OCA2: variants seen among roughly 807,000 people sequenced by gnomAD.
OCA2 encodes the protein OCA2 melanosomal transmembrane protein, also known as P protein.
Under a neutral mutation model 100.2 loss-of-function variants are expected in OCA2, and 77 were observed. The ratio of observed to expected loss-of-function variants is 0.77; its 90% CI spans 0.64 to 0.93. OCA2 has a LOEUF of 0.93. OCA2 is among the 40% of genes least tolerant of loss of function. OCA2 has a pLI of 0.00. For synonymous variants in OCA2, 432 were observed against 439.2 expected (o/e 0.98, Z 0.21); for missense variants, 1,062 against 1,089.1 (o/e 0.98, Z 0.35).
At chr15:27,730,989 A>T in the OCA2 span, among the ~76,000 whole-genome samples, 79,464 of 150,092 alleles carry the variant, frequency 0.53, 21,814 homozygotes, top group African/African-American at 0.58. Flanking sequence ...AATTTTTTTT[A>T]TTTCTGAAAT....
intron 19 of OCA2, among the ~76,000 whole-genome samples, chr15:27,891,192 T>A (rs755140898): frequency 3.3e-5 from 5 of 152,136 alleles, no homozygotes; most frequent in Non-Finnish European, 7.3e-5. Flanking sequence ...GATAAAGGAA[T>A]CTTAATGGAA....
chr15:28,052,069 G>C (rs2043536189), intron 2 of OCA2, among the ~76,000 whole-genome samples: 1 of 152,142 alleles, frequency 6.6e-6, no homozygotes, highest in Non-Finnish European at 1.5e-5. Flanking sequence ...AGATCCCTGA[G>C]GCTGGCTGGG....
At chr15:27,828,961 A>G (rs1422161893) in intron 23 of OCA2, among the ~76,000 whole-genome samples, 1 of 152,212 alleles carries the variant, frequency 6.6e-6, no homozygotes, top group Non-Finnish European at 1.5e-5. Context: ...CCTGGCTGCT[A>G]GCTGAGCACT....
At chr15:27,927,201 A>G (rs1292721902) in intron 18 of OCA2, among the ~76,000 whole-genome samples, 1 of 152,158 alleles carries the variant, frequency 6.6e-6, no homozygotes, top group Admixed American at 6.5e-5. Context: ...AGGCAGGAGA[A>G]TTGCTTGAAC....
chr15:27,969,677 A>AG (rs142766347), intron 14 of OCA2, among the ~76,000 whole-genome samples: 1,596 of 152,320 alleles, frequency 0.01, 34 homozygotes, highest in African/African-American at 0.037. Context: ...GCCAAATATT[A>AG]GGCACGTAAA....
chr15:27,886,166 A>G (rs529910843), intron 19 of OCA2, among the ~76,000 whole-genome samples: 1 of 152,324 alleles, frequency 6.6e-6, no homozygotes, highest in African/African-American at 2.4e-5. Flanking sequence ...CAGCCCCCTG[A>G]GGCAGGAAAT....
At chr15:28,018,336 CAATT>C (rs2042466986) in intron 7 of OCA2, 57 bp downstream of exon 7, 3 of 1,550,466 alleles carry the variant, frequency 1.9e-6, no homozygotes, top group African/African-American at 1.4e-5. Context: ...AGAGGAAACA[CAATT>C]TATTATGAGA....
rs139837760 is a variant in OCA2, at chr15:27,851,433, G to C, written c.2287C>G (p.Leu763Val). 11 of 1,614,004 alleles carry C rather than the reference G, an allele frequency of 6.8e-6. No individual in the cohort carries two copies. In the South Asian group the frequency reaches 1.2e-4, roughly 18 times the overall value. ...GCATACATGAGCGGCGGTGCGGGCA[G>C]GCCAACCTCAGGGTCGTGGCTCAGG... is the stretch of plus-strand genomic sequence containing the variant. Reference protein sequence around the residue: ...LNLSHDPEVGLPAPPLMYALA... With the variant: ...LNLSHDPEVGVPAPPLMYALA... Residue 763 changes from leucine to valine, a missense_variant, in exon 22 of 24, where the codon CTG (leucine) becomes GTG (valine). Physicochemically the swap from Leu to Val is conservative, Grantham distance 32. Transcript: ENST00000354638.
the OCA2 span, among the ~76,000 whole-genome samples, chr15:27,734,286 CAAAAA>C: frequency 0.087 from 6,631 of 76,352 alleles, 429 homozygotes; most frequent in African/African-American, 0.25. Context: ...TTTTCAAGAG[CAAAAA>C]AAAAAAAAAA....
intron 23 of OCA2, among the ~76,000 whole-genome samples, chr15:27,784,957 G>T (rs140046355): frequency 6.6e-6 from 1 of 152,068 alleles, no homozygotes; most frequent in African/African-American, 2.4e-5. Context: ...CAAAATTAAT[G>T]ATATCAAACC....
chr15:27,821,457 C>T (rs2034497936), intron 23 of OCA2, among the ~76,000 whole-genome samples: 1 of 152,198 alleles, frequency 6.6e-6, no homozygotes, highest in South Asian at 2.1e-4. Flanking sequence ...CATGGATGCA[C>T]ACATGCAGGC....
chr15:27,766,619 T>C (rs1178605608), intron 23 of OCA2, among the ~76,000 whole-genome samples: 2 of 152,194 alleles, frequency 1.3e-5, no homozygotes, highest in East Asian at 3.9e-4. Flanking sequence ...TCTGAAACTC[T>C]GCTTTGTTAA....
chr15:27,729,065 C>G, the OCA2 span, among the ~76,000 whole-genome samples: 1 of 152,194 alleles, frequency 6.6e-6, no homozygotes, highest in African/African-American at 2.4e-5. Context: ...GCTTTCCACG[C>G]CTGCAAGACC....
intron 19 of OCA2, among the ~76,000 whole-genome samples, chr15:27,902,219 G>GTTT (rs1403290017): frequency 1.7e-5 from 2 of 119,978 alleles, no homozygotes; most frequent in Non-Finnish European, 3.8e-5. Context: ...TGTTGTTGTT[G>GTTT]TTTTTTTCTA....
In OCA2 at chr15:28,085,225, T is replaced by C. The variant is rs372601010; in HGVS notation, c.-21-3330A>G. Among the ~76,000 whole-genome samples, 37 of 152,264 alleles carry C rather than the reference T, an allele frequency of 2.4e-4. No individual in the cohort carries two copies. In the East Asian group the frequency reaches 6.6e-3, roughly 27 times the overall value. On this transcript the variant is annotated intron_variant, in intron 1 of 23. Transcript: ENST00000354638. ...CACCTCCCCAGACAGTGTACGCGCC[T>C]GCTCTCCTTCACTCCCCACTTAAAC... is the stretch of plus-strand genomic sequence containing the variant.
chr15:27,899,460 G>A (rs1471540717), intron 19 of OCA2, among the ~76,000 whole-genome samples: 1 of 152,180 alleles, frequency 6.6e-6, no homozygotes, highest in Non-Finnish European at 1.5e-5. Flanking sequence ...TTTATGATTA[G>A]GTTAGAAATC....
At chr15:27,835,011 C>T (rs954309701) in intron 23 of OCA2, among the ~76,000 whole-genome samples, 5 of 152,174 alleles carry the variant, frequency 3.3e-5, no homozygotes, top group African/African-American at 4.8e-5. Context: ...TTGGGCCTTC[C>T]GGACGTAATG....
intron 19 of OCA2, among the ~76,000 whole-genome samples, chr15:27,895,092 A>G (rs1353497650): frequency 6.6e-6 from 1 of 152,186 alleles, no homozygotes; most frequent in African/African-American, 2.4e-5. Flanking sequence ...TTCTGTAGGC[A>G]ATGTAACTCT....
chr15:27,858,490 A>G (rs2151439574), intron 21 of OCA2, among the ~76,000 whole-genome samples: 1 of 152,314 alleles, frequency 6.6e-6, no homozygotes, highest in Middle Eastern at 3.4e-3. Flanking sequence ...AAGGACACAA[A>G]TAAGTTAAAA....
Sources: allele counts gnomAD v4.1 joint callset (sites outside exome capture counted in the v4.1 genomes callset), GRCh38; gene constraint gnomAD v4.1.1; transcripts MANE v1.5; gene names NCBI Gene and HGNC (gene_info 2026-07-23, HGNC 2026-07-21).